Variants in THOC2 observed in about 807,000 individuals in gnomAD.
THOC2 encodes the protein THO complex 2.
In THOC2, 10 loss-of-function variants were observed where a neutral mutation model predicts 128.4. That is an observed-to-expected ratio of 0.08 (90% CI 0.05 to 0.13). THOC2 has a LOEUF of 0.13. THOC2 is among the 10% of genes least tolerant of loss of function. The pLI is 1.00. For synonymous variants in THOC2, 393 were observed against 396.9 expected (o/e 0.99, Z 0.12); for missense variants, 535 against 1,155.7 (o/e 0.46, Z 7.79).
intron 22 of THOC2, among the ~76,000 whole-genome samples, chrX:123,629,653 G>A (rs758930554): frequency 1.8e-4 from 20 of 111,387 alleles, no homozygotes; most frequent in Admixed American, 1.4e-3. Flanking sequence ...CTGAGACCAC[G>A]TAAGTGACAA....
intron 1 of THOC2, among the ~76,000 whole-genome samples, chrX:123,728,242 TA>T (rs201497437): frequency 1.3e-3 from 131 of 102,190 alleles, no homozygotes; most frequent in Middle Eastern, 4.9e-3. Flanking sequence ...CAGGAAATGT[TA>T]AAAAAAAAAA....
intron 25 of THOC2, among the ~76,000 whole-genome samples, chrX:123,624,952 T>G (rs975266658): frequency 1.0e-4 from 11 of 107,465 alleles, no homozygotes; most frequent in African/African-American, 3.0e-4. Context: ...TAATAAGTTG[T>G]TTTTTTTTTA....
chrX:123,609,068 T>TA (rs1348140830), intron 38 of THOC2, among the ~76,000 whole-genome samples: 4 of 112,175 alleles, frequency 3.6e-5, no homozygotes, highest in Non-Finnish European at 7.5e-5. Context: ...TAAACAGAGA[T>TA]ATATAAAATC....
chrX:123,632,324 C>CA (rs1347854397), intron 21 of THOC2, among the ~76,000 whole-genome samples: 111 of 107,987 alleles, frequency 1.0e-3, no homozygotes, highest in African/African-American at 3.6e-3. Context: ...CCCGACTCTA[C>CA]AAAAAAAATC....
chrX:123,732,997 G>T lies in THOC2; in HGVS notation c.26C>A (p.Pro9His), dbSNP rs768725739. Reference sequence around the variant, plus strand: ...CTCCCAGTTCTTTATCCACTCTGCGGGAACCACCACAGCCGCGGCCGCCAT... The same window carrying T: ...CTCCCAGTTCTTTATCCACTCTGCGTGAACCACCACAGCCGCGGCCGCCAT... MAAAAVVV[P>H]AEWIKNWEKS... Residue 9 changes from proline (P) to histidine (H), a missense_variant, in exon 1 of 39, where the codon CCC becomes CAC. By Grantham distance (77) the Pro-to-His change is moderately conservative (BLOSUM62 -2). Transcript: ENST00000245838. 18 of 1,211,925 alleles carry T rather than the reference G, an allele frequency of 1.5e-5. No homozygotes were observed. The highest frequency in any genetic ancestry group is 2.0e-5 in the Non-Finnish European group (18 of 895,517).
intron 12 of THOC2, among the ~76,000 whole-genome samples, chrX:123,662,470 C>T (rs1305719699): frequency 1.9e-5 from 2 of 108,072 alleles, no homozygotes; most frequent in African/African-American, 6.8e-5. Context: ...CGCCTGTAGT[C>T]CCAGCTACTC....
intron 1 of THOC2, among the ~76,000 whole-genome samples, chrX:123,720,944 A>G (rs1157800641): frequency 9.0e-6 from 1 of 111,423 alleles, no homozygotes; most frequent in Non-Finnish European, 1.9e-5. Flanking sequence ...TAATGGATAT[A>G]AAGTTCAGCT....
chrX:123,727,434 T>C (rs978120974), intron 1 of THOC2, among the ~76,000 whole-genome samples: 5 of 111,302 alleles, frequency 4.5e-5, no homozygotes, highest in Non-Finnish European at 9.4e-5. Context: ...CTAATGGTTT[T>C]AGGTCACTAA....
intron 12 of THOC2, among the ~76,000 whole-genome samples, chrX:123,647,454 C>T (rs2048171412): frequency 9.0e-6 from 1 of 111,029 alleles, no homozygotes; most frequent in African/African-American, 3.3e-5. Flanking sequence ...TGCATTCATT[C>T]ATTCATTCAT....
chrX:123,687,111 G>T (rs951306338), intron 7 of THOC2, among the ~76,000 whole-genome samples: 33 of 110,255 alleles, frequency 3.0e-4, no homozygotes, highest in Middle Eastern at 4.2e-3. Flanking sequence ...AACAAAAGGG[G>T]TTTTTTTTTA....
At chrX:123,723,138 C>T (rs1467644508) in intron 1 of THOC2, among the ~76,000 whole-genome samples, 1 of 110,577 alleles carries the variant, frequency 9.0e-6, no homozygotes, top group Non-Finnish European at 1.9e-5. Flanking sequence ...AAGATCACGC[C>T]ACCACCGCAC....
chrX:123,680,469 G>T (rs2049718876), intron 8 of THOC2, among the ~76,000 whole-genome samples: 1 of 109,432 alleles, frequency 9.1e-6, no homozygotes, highest in Non-Finnish European at 1.9e-5. Context: ...AATACTAAGG[G>T]AACTCAGAGG....
chrX:123,683,600 CT>C (rs1167414661), intron 8 of THOC2, among the ~76,000 whole-genome samples: 138 of 99,560 alleles, frequency 1.4e-3, no homozygotes, highest in Admixed American at 1.3e-3. Flanking sequence ...AATGACAAGA[CT>C]TTTTTTTTTT....
intron 21 of THOC2, 30 bp downstream of exon 21, chrX:123,632,831 T>A (rs1304308480): frequency 8.8e-7 from 1 of 1,139,987 alleles, no homozygotes; most frequent in Non-Finnish European, 1.2e-6. Flanking sequence ...TAAAAACATG[T>A]ACATAAACAT....
intron 10 of THOC2, 65 bp downstream of exon 10, chrX:123,668,094 G>A: frequency 3.5e-6 from 3 of 854,614 alleles, no homozygotes; most frequent in African/African-American, 2.1e-5. Flanking sequence ...TGACTATTTA[G>A]AAGTTAAATT....
At chrX:123,671,144 T>C (rs908582126) in intron 9 of THOC2, among the ~76,000 whole-genome samples, 4 of 111,775 alleles carry the variant, frequency 3.6e-5, no homozygotes, top group African/African-American at 1.3e-4. Flanking sequence ...AATAAAAGCA[T>C]AATAGTCATT....
At chrX:123,729,120 T>C (rs996584084) in intron 1 of THOC2, among the ~76,000 whole-genome samples, 3 of 112,374 alleles carry the variant, frequency 2.7e-5, no homozygotes, top group Non-Finnish European at 3.8e-5. Context: ...ATTAAATACA[T>C]ATCTTTCAGA....
At chrX:123,731,934 T>TA (rs772520658) in intron 1 of THOC2, among the ~76,000 whole-genome samples, 1 of 111,661 alleles carries the variant, frequency 9.0e-6, no homozygotes, top group East Asian at 2.8e-4. Context: ...TAACGAGGGT[T>TA]AATTTCATCC....
chrX:123,654,715 C>T (rs986803876), intron 12 of THOC2, among the ~76,000 whole-genome samples: 5 of 92,838 alleles, frequency 5.4e-5, no homozygotes, highest in African/African-American at 1.6e-4. Flanking sequence ...GGTGAGATTG[C>T]GCCACTGCAT....
Sources: allele counts gnomAD v4.1 joint callset (sites outside exome capture counted in the v4.1 genomes callset), GRCh38; gene constraint gnomAD v4.1.1; transcripts MANE v1.5; gene names NCBI Gene and HGNC (gene_info 2026-07-23, HGNC 2026-07-21).